The following RASGRF2 variants were observed in gnomAD, a reference collection of about 807,000 sequenced individuals.
The protein encoded by RASGRF2 is ras-specific guanine nucleotide-releasing factor 2.
In RASGRF2, 76 loss-of-function variants were observed where a neutral mutation model predicts 151.0. That is an observed-to-expected ratio of 0.50 (90% CI 0.42 to 0.61). RASGRF2 has a LOEUF of 0.61. Ranked by LOEUF, RASGRF2 falls within the 20% of genes least tolerant of loss-of-function variation. The probability of loss-of-function intolerance (pLI) is 0.00; values close to 1 mark genes in which losing one functional copy is unlikely to be tolerated. For synonymous variants in RASGRF2, 504 were observed against 566.5 expected, an observed-to-expected ratio of 0.89 and a Z score of 1.57; for missense variants, 1,148 against 1,564.6, an observed-to-expected ratio of 0.73 and a Z score of 4.49.
At position 81,208,468 on chromosome 5, in the gene RASGRF2, C is replaced by T. The variant is rs575887895; in HGVS notation, c.3156+30C>T. 2.7e-5 allele frequency: 39 copies of T among 1,459,470 alleles called. 1 individual carries two copies. In the African/African-American group the frequency reaches 2.9e-4, roughly 11 times the overall value. 90.4% of individuals were successfully genotyped at this position (1,459,470 alleles called of 1,614,324 possible). A position where few individuals can be genotyped will look rare whatever the true frequency, so the allele number is the denominator to read the frequency against. On this transcript the variant is annotated intron_variant, in intron 22 of 26. Transcript: ENST00000265080. ...GTAACCGTAACAGTAAAACCGTGGG[C>T]GTGTCACAAGAAGATGGATATTGGG...
intron 23 of RASGRF2, 55 bp downstream of exon 23, chr5:81,212,618 T>G: frequency 6.8e-7 from 1 of 1,460,506 alleles, no homozygotes; most frequent in Non-Finnish European, 9.2e-7. Flanking sequence ...GGCTGGGAGA[T>G]GGGAGCCAAG....
In RASGRF2 at chr5:80,963,339, A is replaced by G. The variant is rs139107192; in HGVS notation, c.288+2313A>G. On this transcript the variant is annotated intron_variant, in intron 1 of 26. Coordinates refer to ENST00000265080, the MANE Select transcript of RASGRF2 (RefSeq NM_006909.3). ...ATCAATATCTCCCTCAACACTATCA[A>G]CACAGTTGAAGGTTAGGGCTTGAAA... Among the ~76,000 whole-genome samples, 11 of 152,270 alleles carry G rather than the reference A, an allele frequency of 7.2e-5. No homozygotes were observed. In the East Asian group the frequency reaches 2.1e-3, roughly 29 times the overall value.
chr5:80,974,753 G>T lies in RASGRF2; in HGVS notation c.288+13727G>T, dbSNP rs1436991775. Among the ~76,000 whole-genome samples the T allele has an allele frequency of 2.0e-5, 3 of 152,168 alleles. No individual in the cohort carries two copies. The South Asian group carries it at 6.2e-4, about 32-fold the overall frequency. ...AGAGTCACAAAGTCTTTATGAATCG[G>T]TTTTGACAAAGACTCTGTGGCAGCA... On this transcript the variant is annotated intron_variant, in intron 1 of 26. Transcript: ENST00000265080.
chr5:81,219,587 C>T lies in RASGRF2; in HGVS notation c.3553-123C>T, dbSNP rs116426746. ...AGGGAATGGTCAGGCAGGCTCCACC[C>T]GCCTCACTGGAGGAAGGGACTGACC... On this transcript the variant is annotated intron_variant, in intron 25 of 26. Transcript: ENST00000265080. The T allele has an allele frequency of 5.3e-4, 368 of 698,056 alleles. 2 individuals are homozygous for T. In the African/African-American group the frequency reaches 5.8e-3, roughly 11 times the overall value. 43.2% of individuals were successfully genotyped at this position (698,056 alleles called of 1,614,324 possible).
At chr5:81,034,777 C>T (rs1026764927) in intron 1 of RASGRF2, among the ~76,000 whole-genome samples, 6 of 128,918 alleles carry the variant, frequency 4.7e-5, no homozygotes, top group African/African-American at 1.9e-4. Flanking sequence ...GGAAGGGGAA[C>T]ATCACACTCT....
At chr5:81,102,326 A>G (rs1157998369) in intron 12 of RASGRF2, among the ~76,000 whole-genome samples, 1 of 152,148 alleles carries the variant, frequency 6.6e-6, no homozygotes, top group Non-Finnish European at 1.5e-5. Context: ...AAAAAACTGT[A>G]CCCATTGACC....
chr5:81,112,701 G>T lies in RASGRF2; in HGVS notation c.1930G>T (p.Val644Leu). The change falls in exon 14 of 27, where the codon GTG (valine) becomes TTG (leucine). Residue 644 changes from valine (V) to leucine (L), a missense_variant. By Grantham distance (32) the Val-to-Leu change is conservative. This residue lies in a region of RASGRF2 where 646 missense variants were observed against 807.4 expected (regional missense o/e 0.80). Coordinates refer to ENST00000265080, the MANE Select transcript of RASGRF2 (RefSeq NM_006909.3). ...CKVPQIRYASVERLLERLTDL... is the reference protein window; with the variant it reads ...CKVPQIRYASLERLLERLTDL... ...AGTGCCCCAGATCCGTTATGCCAGC[G>T]TGGAGCGCCTCTTGGAACGACTGAC... 1 of 1,614,196 alleles carries T rather than the reference G, an allele frequency of 6.2e-7. No homozygotes were observed. Among genetic ancestry groups the T allele is most frequent in the Non-Finnish European group, 8.5e-7 (1 of 1,180,042 alleles).
At position 81,187,511 on chromosome 5, in the gene RASGRF2, G is replaced by A. The variant is rs1443429043; in HGVS notation, c.2793+7230G>A. Among the ~76,000 whole-genome samples, 8 of 152,242 alleles carry A rather than the reference G, an allele frequency of 5.3e-5. 1 individual carries two copies. The East Asian group carries it at 1.2e-3, about 22-fold the overall frequency. On this transcript the variant is annotated intron_variant, in intron 18 of 26. Transcript: ENST00000265080. ...GCTCCAGCAATAAGCCTGCTGAAGG[G>A]GGCACACCTATATTAGGTTTGTGGA... is the stretch of plus-strand genomic sequence containing the variant.
Position 80,995,693 on chromosome 5 carries a change from CTTTTT to C in RASGRF2, c.288+34680_288+34684del, listed in dbSNP as rs1554083685. ...GTTTCTTTCCTTTCCTTCCCCCCCC[CTTTTT>C]TTTTTTTTTTTTGAGATGGAGTCTC... On this transcript the variant is annotated intron_variant, in intron 1 of 26. Coordinates refer to ENST00000265080, the MANE Select transcript of RASGRF2 (RefSeq NM_006909.3). Among the ~76,000 whole-genome samples, 537 of 97,344 alleles carry C rather than the reference CTTTTT, an allele frequency of 5.5e-3. 1 individual carries two copies. The highest frequency in any genetic ancestry group is 0.021 in the South Asian group (48 of 2,288). The allele number at this position is 97,344 out of a possible 152,430, so 63.9% of individuals were successfully genotyped here. A position where few individuals can be genotyped will look rare whatever the true frequency, so the allele number is the denominator to read the frequency against.
chr5:81,073,126 A>G, intron 4 of RASGRF2, 73 bp from the exon 5 acceptor site: 1 of 1,486,496 alleles, frequency 6.7e-7, no homozygotes, highest in Non-Finnish European at 9.1e-7. Context: ...TTTTAATTAT[A>G]TTTCATGTTC....
At chr5:81,221,698 C>T (rs1244587567) in intron 26 of RASGRF2, among the ~76,000 whole-genome samples, 4 of 152,054 alleles carry the variant, frequency 2.6e-5, no homozygotes, top group Admixed American at 1.3e-4. Context: ...AAAAAGTGGC[C>T]GGGCGCCTTG....
chr5:81,089,807 T>G (rs1333259559), intron 9 of RASGRF2, among the ~76,000 whole-genome samples: 1 of 152,198 alleles, frequency 6.6e-6, no homozygotes, highest in Admixed American at 6.5e-5. Flanking sequence ...CTTTTAGGAT[T>G]GTTGTAAAAA....
chr5:81,205,851 C>T (rs929159922), intron 19 of RASGRF2, among the ~76,000 whole-genome samples: 2 of 152,146 alleles, frequency 1.3e-5, no homozygotes, highest in Non-Finnish European at 1.5e-5. Context: ...CCTTGGTTCA[C>T]GCCATTCTCC....
chr5:80,979,917 C>CT (rs2112235883), intron 1 of RASGRF2, among the ~76,000 whole-genome samples: 1 of 152,214 alleles, frequency 6.6e-6, no homozygotes, highest in East Asian at 1.9e-4. Flanking sequence ...TGATTTTTAT[C>CT]TTTTTTTGTA....
chr5:80,992,957 T>C (rs1387716011), intron 1 of RASGRF2, among the ~76,000 whole-genome samples: 1 of 152,190 alleles, frequency 6.6e-6, no homozygotes, highest in East Asian at 1.9e-4. Flanking sequence ...GTTGAAAAGA[T>C]TAAGGTAAAA....
At chr5:81,145,860 T>C (rs1753993701) in intron 17 of RASGRF2, among the ~76,000 whole-genome samples, 1 of 152,236 alleles carries the variant, frequency 6.6e-6, no homozygotes. Context: ...GTTTGAAGTC[T>C]CAAATTTTAG....
chr5:81,149,297 A>G (rs1302455959), intron 17 of RASGRF2, among the ~76,000 whole-genome samples: 1 of 152,266 alleles, frequency 6.6e-6, no homozygotes, highest in Non-Finnish European at 1.5e-5. Flanking sequence ...CTACTTATGC[A>G]TAAAACAGAA....
At chr5:81,057,972 G>T (rs1751281771) in intron 2 of RASGRF2, among the ~76,000 whole-genome samples, 1 of 151,384 alleles carries the variant, frequency 6.6e-6, no homozygotes, top group South Asian at 2.1e-4. Flanking sequence ...CTCCAGCCTG[G>T]GCAACAGAAG....
At chr5:81,093,418 G>GTTTTT (rs551246351) in intron 10 of RASGRF2, among the ~76,000 whole-genome samples, 3 of 151,770 alleles carry the variant, frequency 2.0e-5, no homozygotes, top group Non-Finnish European at 2.9e-5. Flanking sequence ...TTTGTTTTGT[G>GTTTTT]TTTTTTTTGT....
Sources: allele counts gnomAD v4.1 joint callset (sites outside exome capture counted in the v4.1 genomes callset), GRCh38; gene constraint gnomAD v4.1.1; regional missense constraint gnomAD v4.1.1; transcripts MANE v1.5; gene names NCBI Gene and HGNC (gene_info 2026-07-23, HGNC 2026-07-21).